MCTP2: variants seen among roughly 807,000 people sequenced by gnomAD.
The protein encoded by MCTP2 is multiple C2 and transmembrane domain-containing protein 2.
MCTP2 carries 132 observed loss-of-function variants against 111.6 expected under a neutral mutation model. That is an observed-to-expected ratio of 1.18 (90% CI 1.03 to 1.37). The LOEUF (loss-of-function observed/expected upper bound fraction) is 1.37, where lower values mean the gene tolerates loss of function less well. MCTP2 is among the 40% of genes most tolerant of loss of function. The probability of loss-of-function intolerance (pLI) is 0.00; values close to 1 mark genes in which losing one functional copy is unlikely to be tolerated. For synonymous variants in MCTP2, 395 were observed against 387.7 expected, an observed-to-expected ratio of 1.02 and a Z score of -0.22; for missense variants, 1,183 against 1,067.9, an observed-to-expected ratio of 1.11 and a Z score of -1.50.
Position 94,315,552 on chromosome 15 carries a change from C to T in MCTP2, c.552C>T (p.Gly184=), listed in dbSNP as rs1462181395. ...EQSVPGEASD[G]LSNLPSPFAY... is the part of the protein sequence containing the mutation. ...AGGTACCGGGGGAAGCCAGTGATGG[C>T]TTGAGTAACCTCCCCAGCCCTTTTG... The change falls in exon 4 of 23, where the codon GGC becomes GGT. Residue 184 remains glycine (G), a synonymous_variant. Coordinates refer to ENST00000357742, the MANE Select transcript of MCTP2 (RefSeq NM_001385001.1). The T allele has an allele frequency of 6.2e-7, 1 of 1,613,930 alleles. No individual in the cohort carries two copies. The highest frequency in any genetic ancestry group is 2.2e-5 in the East Asian group (1 of 44,868).
At chr15:94,385,367 T>A in intron 13 of MCTP2, 56 bp from the exon 14 acceptor site, 1 of 1,179,244 alleles carries the variant, frequency 8.5e-7, no homozygotes, top group Non-Finnish European at 1.3e-6. Context: ...CAGATCTTCA[T>A]GGAACAGACT....
At chr15:94,248,276 G>T (rs149003786) in intron 1 of MCTP2, among the ~76,000 whole-genome samples, 2,444 of 152,228 alleles carry the variant, frequency 0.016, 58 homozygotes, top group African/African-American at 0.054. Flanking sequence ...AGTGTTTGAT[G>T]CACCCATTTT....
rs147192498 is a variant in MCTP2, at chr15:94,299,363, C to A, written c.465+633C>A. On this transcript the variant is annotated intron_variant, in intron 2 of 22. Coordinates refer to ENST00000357742, the MANE Select transcript of MCTP2 (RefSeq NM_001385001.1). ...CTCACTACACCATTGCCCAGTCATA[C>A]CTGTAGAAAAACCATGCATATTATT... 2.6e-5 allele frequency among the ~76,000 whole-genome samples: 4 copies of A among 152,042 alleles called. No homozygotes were observed. In the East Asian group the frequency reaches 7.8e-4, roughly 30 times the overall value.
At chr15:94,455,727 A>G (rs1271788819) in intron 19 of MCTP2, among the ~76,000 whole-genome samples, 1 of 152,216 alleles carries the variant, frequency 6.6e-6, no homozygotes, top group Non-Finnish European at 1.5e-5. Flanking sequence ...GCCCAGCTTC[A>G]GAAAGTATTA....
At chr15:94,421,527 G>C (rs2082629217) in intron 17 of MCTP2, among the ~76,000 whole-genome samples, 1 of 152,160 alleles carries the variant, frequency 6.6e-6, no homozygotes, top group South Asian at 2.1e-4. Flanking sequence ...ATCTAGGGGA[G>C]AATCCCTTTC....
At chr15:94,300,606 A>G (rs558492503) in intron 2 of MCTP2, among the ~76,000 whole-genome samples, 10 of 152,108 alleles carry the variant, frequency 6.6e-5, no homozygotes, top group Admixed American at 1.3e-4. Flanking sequence ...GCTATTGGAA[A>G]TAGAGATGGG....
intron 12 of MCTP2, among the ~76,000 whole-genome samples, chr15:94,374,655 C>T (rs979644999): frequency 1.3e-5 from 2 of 152,196 alleles, no homozygotes; most frequent in African/African-American, 4.8e-5. Context: ...TTGTAAGAGA[C>T]TTCCTTCCCC....
At chr15:94,375,768 A>C (rs1441025767) in intron 12 of MCTP2, among the ~76,000 whole-genome samples, 2 of 152,212 alleles carry the variant, frequency 1.3e-5, no homozygotes, top group Non-Finnish European at 2.9e-5. Flanking sequence ...TCCAGACGAG[A>C]AATCTAGGTT....
chr15:94,236,285 A>T (rs143114275), intron 1 of MCTP2, among the ~76,000 whole-genome samples: 44 of 150,166 alleles, frequency 2.9e-4, no homozygotes, highest in African/African-American at 7.8e-4. Flanking sequence ...ATTTTGGAAG[A>T]TATTCAGAAG....
chr15:94,357,050 A>T (rs1013936670), intron 9 of MCTP2, among the ~76,000 whole-genome samples: 2 of 152,164 alleles, frequency 1.3e-5, no homozygotes, highest in Non-Finnish European at 2.9e-5. Context: ...AAAGCCACAC[A>T]GGAAAAAAAA....
intron 1 of MCTP2, among the ~76,000 whole-genome samples, chr15:94,269,687 A>C (rs978441685): frequency 3.9e-5 from 6 of 152,196 alleles, no homozygotes; most frequent in Admixed American, 3.9e-4. Context: ...TAATATAACC[A>C]AGGTTCTGAA....
At position 94,367,692 on chromosome 15, in the gene MCTP2, G is replaced by A; in HGVS notation, c.1389G>A (p.Met463Ile). ...ACAGCTGTCTGGGGGCTCTCCTTAT[G>A]TTGGTCACACTTACACCCTGTGCGG... ...PLDSCLGALL[M>I]LVTLTPCAGV... Residue 463 changes from methionine to isoleucine, a missense_variant, in exon 11 of 23, where the codon ATG becomes ATA. Met to Ile is a conservative substitution (Grantham distance 10, BLOSUM62 1). Transcript: ENST00000357742. 6.2e-7 allele frequency: 1 copy of A among 1,612,150 alleles called. No individual in the cohort carries two copies. Among genetic ancestry groups the A allele is most frequent in the Non-Finnish European group, 8.5e-7 (1 of 1,179,162 alleles).
At chr15:94,434,465 CTT>C (rs1249339890) in intron 17 of MCTP2, among the ~76,000 whole-genome samples, 1 of 151,750 alleles carries the variant, frequency 6.6e-6, no homozygotes, top group Non-Finnish European at 1.5e-5. Flanking sequence ...AAGATTTTCT[CTT>C]ATCCTTTTTT....
At chr15:94,300,659 T>C (rs1437838528) in intron 2 of MCTP2, among the ~76,000 whole-genome samples, 1 of 152,056 alleles carries the variant, frequency 6.6e-6, no homozygotes, top group East Asian at 1.9e-4. Context: ...TTTTGGGAGA[T>C]CTTACAAGCA....
At chr15:94,298,174 T>G in intron 1 of MCTP2, 27 bp from the exon 2 acceptor site, 2 of 972,766 alleles carry the variant, frequency 2.1e-6, no homozygotes, top group Non-Finnish European at 2.9e-6. Context: ...GTTTGTTTGT[T>G]TTTTGTTGTT....
In MCTP2 at chr15:94,283,705, C is replaced by G. The variant is rs547125218; in HGVS notation, c.-65-14496C>G. Reference sequence around the variant, plus strand: ...CTCTCAATACCTTCTTTCTGAAGATCTGTTCAGAATATGCCAGTCTAATTG... The same window carrying G: ...CTCTCAATACCTTCTTTCTGAAGATGTGTTCAGAATATGCCAGTCTAATTG... On this transcript the variant is annotated intron_variant, in intron 1 of 22. Coordinates refer to ENST00000357742, the MANE Select transcript of MCTP2 (RefSeq NM_001385001.1). Among the ~76,000 whole-genome samples the G allele has an allele frequency of 2.6e-5, 4 of 152,278 alleles. No individual in the cohort carries two copies. In the South Asian group the frequency reaches 8.3e-4, roughly 32 times the overall value.
intron 10 of MCTP2, among the ~76,000 whole-genome samples, chr15:94,366,489 G>A (rs1438833971): frequency 6.6e-6 from 1 of 152,134 alleles, no homozygotes; most frequent in African/African-American, 2.4e-5. Context: ...TTCTTAAAGT[G>A]GAAGTTTTCA....
At chr15:94,299,918 A>G (rs1239159552) in intron 2 of MCTP2, among the ~76,000 whole-genome samples, 1 of 152,218 alleles carries the variant, frequency 6.6e-6, no homozygotes, top group Non-Finnish European at 1.5e-5. Context: ...AATGACTTTA[A>G]CTATTTTTTT....
At chr15:94,430,751 C>T (rs1567691377) in intron 17 of MCTP2, among the ~76,000 whole-genome samples, 3 of 151,338 alleles carry the variant, frequency 2.0e-5, no homozygotes. Context: ...GACTACGTCT[C>T]AAAAATAAAA....
Sources: gnomAD v4.1 joint callset for allele counts (sites outside exome capture counted in the v4.1 genomes callset) on GRCh38, gnomAD v4.1.1 for gene constraint, MANE v1.5 for transcripts, NCBI Gene and HGNC (gene_info 2026-07-23, HGNC 2026-07-21) for gene names.